KLHL36: variants seen among roughly 807,000 people sequenced by gnomAD.
The protein encoded by KLHL36 is kelch-like protein 36.
KLHL36 carries 35 observed loss-of-function variants against 53.3 expected under a neutral mutation model. The observed-to-expected ratio is 0.66, with a 90% CI of 0.50 to 0.87. The LOEUF (loss-of-function observed/expected upper bound fraction) is 0.87. KLHL36 is among the 40% of genes least tolerant of loss of function. The pLI, the probability that KLHL36 is intolerant of heterozygous loss-of-function variation, is 0.00. For missense variants in KLHL36, 864 were observed against 897.6 expected, an observed-to-expected ratio of 0.96 and a Z score of 0.48; for synonymous variants, 472 against 398.9, an observed-to-expected ratio of 1.18 and a Z score of -2.18.
rs577053919 is a variant in KLHL36, at chr16:84,652,391, C to T, written c.63+1461C>T. Among the ~76,000 whole-genome samples, 18 of 152,242 alleles carry T rather than the reference C, an allele frequency of 1.2e-4. No homozygotes were observed. The South Asian group carries it at 1.2e-3, about 11-fold the overall frequency. ...GCTCAAGTGAGCCTCCCACCTCAGC[C>T]TCCTGAGGAGCTGGGAATACAGGTG... On this transcript the variant is annotated intron_variant, in intron 2 of 4. Coordinates refer to ENST00000564996, the MANE Select transcript of KLHL36 (RefSeq NM_024731.4).
chr16:84,660,618 G>A (rs558929950), intron 4 of KLHL36, among the ~76,000 whole-genome samples: 24 of 152,250 alleles, frequency 1.6e-4, no homozygotes, highest in Non-Finnish European at 2.6e-4. Context: ...TGTGGGGTAA[G>A]CGCTCGTATT....
chr16:84,654,646 C>T (rs538907117), intron 2 of KLHL36, among the ~76,000 whole-genome samples: 34 of 151,616 alleles, frequency 2.2e-4, no homozygotes, highest in Middle Eastern at 3.4e-3. Flanking sequence ...TTTGAGATGG[C>T]GTTTTGTTCG....
chr16:84,658,622 T>G (rs1735760275), intron 3 of KLHL36: 1 of 152,232 alleles, frequency 6.6e-6, no homozygotes, highest in African/African-American at 2.4e-5. Flanking sequence ...TGGATTCCCC[T>G]TCTGGGAATA....
chr16:84,655,943 A>G (rs533948427), intron 2 of KLHL36, among the ~76,000 whole-genome samples: 30 of 150,316 alleles, frequency 2.0e-4, no homozygotes, highest in South Asian at 6.3e-4. Context: ...TCCAGGCTGG[A>G]GTGCAGTGGC....
chr16:84,657,030 T>C lies in KLHL36; in HGVS notation c.223T>C (p.Phe75Leu). The C allele has an allele frequency of 6.2e-7, 1 of 1,614,136 alleles. No homozygotes were observed. Residue 75 changes from phenylalanine to leucine, a missense_variant, in exon 3 of 5, where the codon TTC (phenylalanine) becomes CTC (leucine). Coordinates refer to ENST00000564996, the MANE Select transcript of KLHL36 (RefSeq NM_024731.4). Reference sequence around the variant, plus strand: ...GTGCAGCGACTACTTCAACTCCATGTTCACCATCGGCATGCGGGAAGCTTT... The same window carrying C: ...GTGCAGCGACTACTTCAACTCCATGCTCACCATCGGCATGCGGGAAGCTTT... ...AVCSDYFNSM[F>L]TIGMREAFQK...
intron 3 of KLHL36, chr16:84,658,826 C>G (rs1444823438): frequency 6.6e-6 from 1 of 152,122 alleles, no homozygotes; most frequent in Non-Finnish European, 1.5e-5. Context: ...AGAATGGACT[C>G]CAGCTGACCT....
At chr16:84,660,155 T>C (rs1907464494) in intron 4 of KLHL36, among the ~76,000 whole-genome samples, 2 of 152,154 alleles carry the variant, frequency 1.3e-5, no homozygotes, top group South Asian at 2.1e-4. Context: ...CATCCCTCCA[T>C]GGCTGAGTGT....
intron 2 of KLHL36, among the ~76,000 whole-genome samples, chr16:84,654,577 A>AGTTTTGTTTTGTTTT (rs141914382): frequency 1.4e-5 from 2 of 147,952 alleles, no homozygotes; most frequent in South Asian, 2.2e-4. Flanking sequence ...GCTTGAGACT[A>AGTTTTGTTTTGTTTT]GTTTTGTTTT....
intron 1 of KLHL36, among the ~76,000 whole-genome samples, chr16:84,649,785 G>A (rs1597210601): frequency 6.6e-6 from 1 of 152,306 alleles, no homozygotes; most frequent in East Asian, 1.9e-4. Context: ...TTGTCACATT[G>A]TTCTTTATTA....
At position 84,661,190 on chromosome 16, in the gene KLHL36, C is replaced by A. The variant is rs143828132; in HGVS notation, c.1296-388C>A. Reference sequence around the variant, plus strand: ...GAGTGCCAGCACAGTTAGAATTGGACTGTATGTCGTATTTCCTCTTTGATG... The same window carrying A: ...GAGTGCCAGCACAGTTAGAATTGGAATGTATGTCGTATTTCCTCTTTGATG... On this transcript the variant is annotated intron_variant, in intron 4 of 4. Transcript: ENST00000564996. The surrounding 1 kb of genome is among the most constrained non-coding windows in gnomAD (Gnocchi z 7.9). Among the ~76,000 whole-genome samples the A allele has an allele frequency of 6.5e-4, 99 of 152,290 alleles. No individual in the cohort carries two copies. Among genetic ancestry groups the A allele is most frequent in the African/African-American group, 2.2e-3 (93 of 41,564 alleles).
At position 84,657,779 on chromosome 16, in the gene KLHL36, G is replaced by C. The variant is rs376811926; in HGVS notation, c.972G>C (p.Gln324His). 1.2e-6 allele frequency: 2 copies of C among 1,609,752 alleles called. No individual in the cohort carries two copies. The highest frequency in any genetic ancestry group is 1.7e-5 in the Admixed American group (1 of 59,834). Residue 324 changes from glutamine (Q) to histidine (H), a missense_variant, in exon 3 of 5, where the codon CAG becomes CAC. Transcript: ENST00000564996. ...DTCYLDAKSE[Q>H]WVKETPLPAR... ...GCTACCTGGACGCCAAGAGCGAGCA[G>C]TGGGTCAAAGAGACGCCGCTGCCCG... is the stretch of plus-strand genomic sequence containing the variant.
At chr16:84,649,031 G>T (rs1459176257) in intron 1 of KLHL36, 2 of 152,228 alleles carry the variant, frequency 1.3e-5, no homozygotes, top group African/African-American at 4.8e-5. Flanking sequence ...CCGCCGGCGA[G>T]CCGGTGTCAG....
intron 2 of KLHL36, among the ~76,000 whole-genome samples, chr16:84,656,583 G>C (rs1351322045): frequency 2.0e-5 from 3 of 149,610 alleles, no homozygotes; most frequent in Non-Finnish European, 3.0e-5. Flanking sequence ...AGTGAGCTGA[G>C]GTTGTGCCAC....
chr16:84,657,137 G>T lies in KLHL36; in HGVS notation c.330G>T (p.Val110=), dbSNP rs376839525. The T allele has an allele frequency of 6.2e-7, 1 of 1,614,054 alleles. No individual in the cohort carries two copies. The highest frequency in any genetic ancestry group is 1.3e-5 in the African/African-American group (1 of 74,938). The change falls in exon 3 of 5, where the codon GTG becomes GTT. Residue 110 remains valine, a synonymous_variant. Transcript: ENST00000564996. Reference sequence around the variant, plus strand: ...ACTTCCTGTACGGCGGGGAGCTGGTGCTGGATGGCGGCAACATTGACTACG... The same window carrying T: ...ACTTCCTGTACGGCGGGGAGCTGGTTCTGGATGGCGGCAACATTGACTACG... ...VVDFLYGGEL[V]LDGGNIDYVL...
At chr16:84,653,866 T>C (rs980837976) in intron 2 of KLHL36, among the ~76,000 whole-genome samples, 4 of 144,032 alleles carry the variant, frequency 2.8e-5, no homozygotes, top group African/African-American at 1.0e-4. Context: ...AAAAGGGAAC[T>C]CGTGTGCCTG....
At chr16:84,654,663 C>T (rs1443433846) in intron 2 of KLHL36, among the ~76,000 whole-genome samples, 1 of 151,974 alleles carries the variant, frequency 6.6e-6, no homozygotes, top group Non-Finnish European at 1.5e-5. Flanking sequence ...TTCGTGTTGC[C>T]CAGGCTGGAG....
chr16:84,657,598 A>G lies in KLHL36; in HGVS notation c.791A>G (p.Glu264Gly). The change falls in exon 3 of 5, where the codon GAG becomes GGG. Residue 264 changes from glutamate to glycine, a missense_variant. Physicochemically the swap from Glu to Gly is moderately conservative, Grantham distance 98. Transcript: ENST00000564996. ...CSLLPKEANC[E>G]GFIEEAVRYH... ...CTGCTGCCCAAGGAGGCCAACTGCGAGGGCTTCATCGAGGAGGCCGTGCGC... is the reference window on the plus strand; with the variant it reads ...CTGCTGCCCAAGGAGGCCAACTGCGGGGGCTTCATCGAGGAGGCCGTGCGC... 6.2e-7 allele frequency: 1 copy of G among 1,611,316 alleles called. No homozygotes were observed. Among genetic ancestry groups the G allele is most frequent in the South Asian group, 1.1e-5 (1 of 91,070 alleles).
Position 84,662,037 on chromosome 16 carries a change from C to A in KLHL36, c.1755C>A (p.Ile585=). The stretch of plus-strand genomic sequence containing the variant: ...GGGGCGTCGACCTGCCCAAGGCCAT[C>A]GCTGGCGGGTCCGCCTGTGTCTGCG... ...WSRGVDLPKA[I]AGGSACVCAL... is the part of the protein sequence containing the mutation. Residue 585 remains isoleucine (I), a synonymous_variant, in exon 5 of 5, where the codon ATC becomes ATA. Transcript: ENST00000564996. 1 of 1,584,600 alleles carries A rather than the reference C, an allele frequency of 6.3e-7. No homozygotes were observed.
At position 84,661,692 on chromosome 16, in the gene KLHL36, A is replaced by G. The variant is rs140269425; in HGVS notation, c.1410A>G (p.Thr470=). Residue 470 remains threonine, a synonymous_variant, in exon 5 of 5, where the codon ACA becomes ACG. Coordinates refer to ENST00000564996, the MANE Select transcript of KLHL36 (RefSeq NM_024731.4). The surrounding 1 kb of genome is among the most constrained non-coding windows in gnomAD (Gnocchi z 7.9). ...ACCTGCTATGCTACGACCACCGGACAGACGTGTGGGAGGAGCGGCGGCCCA... is the reference window on the plus strand; with the variant it reads ...ACCTGCTATGCTACGACCACCGGACGGACGTGTGGGAGGAGCGGCGGCCCA... ...RKNLLCYDHR[T]DVWEERRPMT... is the part of the protein sequence containing the mutation. The G allele has an allele frequency of 6.8e-6, 11 of 1,613,698 alleles. No homozygotes were observed. The highest frequency in any genetic ancestry group is 7.6e-6 in the Non-Finnish European group (9 of 1,179,976).
Sources: gnomAD v4.1 joint callset for allele counts (sites outside exome capture counted in the v4.1 genomes callset) on GRCh38, gnomAD v4.1.1 for gene constraint, Gnocchi (gnomAD v3.1) non-coding constraint, MANE v1.5 for transcripts, NCBI Gene and HGNC (gene_info 2026-07-23, HGNC 2026-07-21) for gene names.